The following C2CD2 variants were observed in gnomAD, a reference collection of about 807,000 sequenced individuals.
C2CD2 encodes the protein C2 calcium dependent domain containing 2.
A neutral mutation model predicts 74.3 loss-of-function variants in C2CD2; 43 were observed. The ratio of observed to expected loss-of-function variants is 0.58; its 90% CI spans 0.45 to 0.75. The LOEUF (loss-of-function observed/expected upper bound fraction) is 0.75, where lower values mean the gene tolerates loss of function less well. Among genes scored for constraint, C2CD2 ranks in the 30% least tolerant of loss-of-function variants. C2CD2 has a pLI of 0.00. For synonymous variants in C2CD2, 422 were observed against 390.7 expected, an observed-to-expected ratio of 1.08 and a Z score of -0.94; for missense variants, 801 against 916.3, an observed-to-expected ratio of 0.87 and a Z score of 1.63.
chr21:41,908,632 C>T (rs999876104), intron 8 of C2CD2: 1 of 152,204 alleles, frequency 6.6e-6, no homozygotes, highest in African/African-American at 2.4e-5. Flanking sequence ...TTCTTGCTAA[C>T]AACTAGGATA....
rs901870080 is a variant in C2CD2 at position 41,923,820 on chromosome 21, G to C, written c.379-1735C>G. On this transcript the variant is annotated intron_variant, in intron 2 of 13. Coordinates refer to ENST00000380486, the MANE Select transcript of C2CD2 (RefSeq NM_015500.2). The surrounding 1 kb of genome is among the most constrained non-coding windows in gnomAD (Gnocchi z 5.8). ...AGAATGAGAGGTCAGACCCCTCCCCGCTCCCCTCCCGGGGGCAGAGGGCCA... is the reference window on the plus strand; with the variant it reads ...AGAATGAGAGGTCAGACCCCTCCCCCCTCCCCTCCCGGGGGCAGAGGGCCA... 6.6e-6 allele frequency among the ~76,000 whole-genome samples: 1 copy of C among 152,084 alleles called. No homozygotes were observed. The highest frequency in any genetic ancestry group is 1.9e-4 in the East Asian group (1 of 5,180).
At chr21:41,901,382 C>G in intron 12 of C2CD2, 1 of 572,006 alleles carries the variant, frequency 1.7e-6, no homozygotes, top group Non-Finnish European at 3.1e-6. Flanking sequence ...TTGCCAACCT[C>G]TCAACGTGTA....
chr21:41,932,038 A>AAGCATCCCACCACCCCACCTCC (rs2065267064), intron 2 of C2CD2, among the ~76,000 whole-genome samples: 1 of 30,304 alleles, frequency 3.3e-5, no homozygotes, highest in African/African-American at 1.2e-4. Flanking sequence ...ACCCCACCTC[A>AAGCATCCCACCACCCCACCTCC]AGCATCCCAC....
chr21:41,952,748 C>T (rs2065460023), intron 1 of C2CD2, among the ~76,000 whole-genome samples: 1 of 152,238 alleles, frequency 6.6e-6, no homozygotes, highest in Admixed American at 6.5e-5. Context: ...TGGCACTGGG[C>T]AGGCTGCTTG....
chr21:41,918,319 G>C, intron 4 of C2CD2, 92 bp from the exon 5 acceptor site: 1 of 1,352,792 alleles, frequency 7.4e-7, no homozygotes. Flanking sequence ...ACCATGCAAA[G>C]TAGGAAGGAA....
chr21:41,947,112 T>TTCTCTCTC (rs147753254), intron 1 of C2CD2, among the ~76,000 whole-genome samples: 4 of 26,152 alleles, frequency 1.5e-4, no homozygotes, highest in African/African-American at 5.2e-4. Flanking sequence ...CCTTTCTCTT[T>TTCTCTCTC]TCTCTCTCTC....
rs2146146727 is a variant in C2CD2, at chr21:41,899,847, A to G, written c.1561-485T>C. On this transcript the variant is annotated intron_variant, in intron 12 of 13. Transcript: ENST00000380486. This position sits in a 1 kb window ranked among gnomAD's most constrained non-coding sequence, Gnocchi z 4.4. ...TTTTGTGTAAAAATATTTAAGCACT[A>G]AATGAACCTCTGAGAGTCGGGATAG... 6.6e-6 allele frequency among the ~76,000 whole-genome samples: 1 copy of G among 152,136 alleles called. No homozygotes were observed. Among genetic ancestry groups the G allele is most frequent in the Non-Finnish European group, 1.5e-5 (1 of 68,012 alleles).
chr21:41,917,085 C>CCTGCT (rs1384045520), intron 5 of C2CD2, among the ~76,000 whole-genome samples: 1 of 152,226 alleles, frequency 6.6e-6, no homozygotes, highest in Admixed American at 6.5e-5. Context: ...CCACACCCCT[C>CCTGCT]CTGCTCTGCT....
chr21:41,930,979 A>C (rs1205549554), intron 2 of C2CD2, among the ~76,000 whole-genome samples: 1 of 150,238 alleles, frequency 6.7e-6, no homozygotes, highest in Non-Finnish European at 1.5e-5. Context: ...GGAAATAGGA[A>C]TTTCCTCCTT....
At chr21:41,930,150 TGG>T (rs1446660883) in intron 2 of C2CD2, among the ~76,000 whole-genome samples, 2 of 149,668 alleles carry the variant, frequency 1.3e-5, no homozygotes, top group African/African-American at 4.9e-5. Context: ...AGTTTCATCA[TGG>T]GCACACTCTG....
At chr21:41,909,968 G>A (rs1339053055) in intron 7 of C2CD2, among the ~76,000 whole-genome samples, 1 of 149,166 alleles carries the variant, frequency 6.7e-6, no homozygotes, top group African/African-American at 2.5e-5. Flanking sequence ...CTCCTCCTTC[G>A]TAACCTATTT....
At chr21:41,914,514 G>C in intron 6 of C2CD2, 84 bp downstream of exon 6, 2 of 1,251,338 alleles carry the variant, frequency 1.6e-6, no homozygotes, top group Non-Finnish European at 2.2e-6. Context: ...TGCCACCAGA[G>C]AATCCAAGGC....
Position 41,895,544 on chromosome 21 carries a change from G to A in C2CD2, c.1870+3509C>T, listed in dbSNP as rs1271993922. Among the ~76,000 whole-genome samples the A allele has an allele frequency of 1.3e-5, 2 of 152,174 alleles. No homozygotes were observed. The highest frequency in any genetic ancestry group is 4.8e-5 in the African/African-American group (2 of 41,438). On this transcript the variant is annotated intron_variant, in intron 13 of 13. Transcript: ENST00000380486. This position sits in a 1 kb window ranked among gnomAD's most constrained non-coding sequence, Gnocchi z 5.0. Reference sequence around the variant, plus strand: ...CTTCAAGATTCCTGAAGATAATTTGGGGAGTGGTTATGTGAAATTGGAGGC... The same window carrying A: ...CTTCAAGATTCCTGAAGATAATTTGAGGAGTGGTTATGTGAAATTGGAGGC...
chr21:41,931,147 G>A lies in C2CD2; in HGVS notation c.379-9062C>T, dbSNP rs73365214. Among the ~76,000 whole-genome samples the A allele has an allele frequency of 2.0e-3, 294 of 150,612 alleles. 4 individuals are homozygous for A. The highest frequency in any genetic ancestry group is 6.6e-3 in the African/African-American group (272 of 41,452). ...TAGAAGAGAATGCAGAGAGAGCCCC[G>A]GAGAAAAGTTTAAAGGCCATGCTCT... On this transcript the variant is annotated intron_variant, in intron 2 of 13. Transcript: ENST00000380486.
At chr21:41,922,135 G>C in intron 2 of C2CD2, 50 bp from the exon 3 acceptor site, 1 of 1,054,030 alleles carries the variant, frequency 9.5e-7, no homozygotes, top group Non-Finnish European at 1.5e-6. Context: ...ACAAAGGACA[G>C]CGCGTGCATA....
At chr21:41,928,474 A>G (rs191419304) in intron 2 of C2CD2, among the ~76,000 whole-genome samples, 3 of 144,908 alleles carry the variant, frequency 2.1e-5, no homozygotes. Context: ...CAATTTCACA[A>G]CCTGTTAGCA....
rs112125163 is a variant in C2CD2 at position 41,924,453 on chromosome 21, A to G, written c.379-2368T>C. ...CCGGTTCTTATAACGCCACGTTCAG[A>G]AGACTGATACACATGAGTTAATTAC... is the stretch of plus-strand genomic sequence containing the variant. On this transcript the variant is annotated intron_variant, in intron 2 of 13. Coordinates refer to ENST00000380486, the MANE Select transcript of C2CD2 (RefSeq NM_015500.2). This position sits in a 1 kb window ranked among gnomAD's most constrained non-coding sequence, Gnocchi z 4.4. 2.0e-5 allele frequency among the ~76,000 whole-genome samples: 3 copies of G among 152,378 alleles called. No homozygotes were observed. The highest frequency in any genetic ancestry group is 7.2e-5 in the African/African-American group (3 of 41,588).
At chr21:41,901,353 T>C (rs1601554615) in intron 12 of C2CD2, 1 of 519,918 alleles carries the variant, frequency 1.9e-6, no homozygotes, top group East Asian at 3.5e-5. Context: ...TCTCTTTCGA[T>C]AATTTTTCTT....
intron 10 of C2CD2, 88 bp from the exon 11 acceptor site, chr21:41,905,925 C>T: frequency 1.3e-6 from 1 of 777,266 alleles, no homozygotes. Flanking sequence ...GCCCTCACTG[C>T]AACTCTGGTG....
Sources: gnomAD v4.1 joint callset for allele counts (sites outside exome capture counted in the v4.1 genomes callset) on GRCh38, gnomAD v4.1.1 for gene constraint, Gnocchi (gnomAD v3.1) non-coding constraint, MANE v1.5 for transcripts, NCBI Gene and HGNC (gene_info 2026-07-23, HGNC 2026-07-21) for gene names.